Variants in ZNF202 observed in about 807,000 individuals in gnomAD.
ZNF202 encodes the protein zinc finger protein 202.
ZNF202 carries 22 observed loss-of-function variants against 54.5 expected under a neutral mutation model. That is an observed-to-expected ratio of 0.40 (90% confidence interval 0.29 to 0.58). The LOEUF is 0.58. ZNF202 is among the 20% of genes least tolerant of loss of function. ZNF202 has a pLI of 0.39. For synonymous variants in ZNF202, 294 were observed against 301.4 expected, an observed-to-expected ratio of 0.98 and a Z score of 0.26; for missense variants, 644 against 805.5, an observed-to-expected ratio of 0.80 and a Z score of 2.43.
chr11:123,729,698 T>A lies in ZNF202; in HGVS notation c.530A>T (p.Glu177Val). The change falls in exon 5 of 9, where the codon GAA becomes GTA. Residue 177 changes from glutamate (E) to valine (V), a missense_variant. By Grantham distance (121) the Glu-to-Val change is moderately radical. Around this residue, in one of 3 missense-constraint regions of ZNF202, gnomAD observed 536 missense variants for 635.3 expected, o/e 0.84. Coordinates refer to ENST00000530393, the MANE Select transcript of ZNF202 (RefSeq NM_003455.4). ...CCCCAGATCTGGGCTCTGTGTGGTT[T>A]CCTCAGGAGACTGCTCGGGGGTCGA... ...QSSTPEQSPE[E>V]TTQSPDLGAP... The A allele has an allele frequency of 6.2e-7, 1 of 1,613,576 alleles. No individual in the cohort carries two copies. The highest frequency in any genetic ancestry group is 8.5e-7 in the Non-Finnish European group (1 of 1,179,868).
Position 123,726,500 on chromosome 11 carries a change from T to TATAGGGTTTCTC in ZNF202, c.1432_1443dup (p.Glu478_Tyr481dup), listed in dbSNP as rs1243609392. On this transcript the variant is annotated inframe_insertion, in exon 9 of 9. Transcript: ENST00000530393. The surrounding 1 kb of genome is among the most constrained non-coding windows in gnomAD (Gnocchi z 6.0). ...AAGTGCTTTCCGCAATCATCACATC[T>TATAGGGTTTCTC]ATAGGGTTTCTCCACTGATGGAGTT... 20 of 1,614,236 alleles carry TATAGGGTTTCTC rather than the reference T, an allele frequency of 1.2e-5. No homozygotes were observed. The highest frequency in any genetic ancestry group is 1.7e-5 in the Non-Finnish European group (20 of 1,180,030).
Position 123,729,611 on chromosome 11 carries a change from C to T in ZNF202, c.613+4G>A. 2 of 1,559,572 alleles carry T rather than the reference C, an allele frequency of 1.3e-6. No individual in the cohort carries two copies. Among genetic ancestry groups the T allele is most frequent in the Non-Finnish European group, 8.7e-7 (1 of 1,155,588 alleles). On this transcript the variant is annotated splice_donor_region_variant and intron_variant, in intron 5 of 8. Transcript: ENST00000530393. ...AATCCCCCCTTTCTGCTGATGCTTC[C>T]CACCGCTCTCCTGCAGGGTCTGGAG...
intron 3 of ZNF202, among the ~76,000 whole-genome samples, chr11:123,737,919 G>C (rs553304080): frequency 6.6e-6 from 1 of 152,138 alleles, no homozygotes; most frequent in African/African-American, 2.4e-5. Flanking sequence ...AGAGGAACAA[G>C]GATATACAGC....
rs752752320 is a variant in ZNF202, at chr11:123,728,111, T to C, written c.832+22A>G. ...AAAGATCTCTGGGCTTAGAACACTC[T>C]AGAATACTTGAAATTCCTTACACAG... On this transcript the variant is annotated intron_variant, in intron 7 of 8. Transcript: ENST00000530393. 6.3e-5 allele frequency: 101 copies of C among 1,599,434 alleles called. No homozygotes were observed. The African/African-American group carries it at 1.1e-3, about 17-fold the overall frequency.
intron 6 of ZNF202, 90 bp from the exon 7 acceptor site, chr11:123,728,352 C>T: frequency 2.1e-6 from 3 of 1,415,704 alleles, no homozygotes; most frequent in Non-Finnish European, 2.8e-6. Flanking sequence ...AGGTGGACTC[C>T]TCTAGGAGAT....
intron 3 of ZNF202, chr11:123,738,735 C>T (rs1432267782): frequency 1.3e-5 from 2 of 152,220 alleles, no homozygotes; most frequent in Non-Finnish European, 2.9e-5. Context: ...AAGTCATTTA[C>T]TATGTTTTTA....
chr11:123,741,215 G>C (rs1291318517), intron 1 of ZNF202, among the ~76,000 whole-genome samples: 1 of 152,120 alleles, frequency 6.6e-6, no homozygotes, highest in Non-Finnish European at 1.5e-5. Flanking sequence ...CAGTTGGCGC[G>C]GAAGCGTTAG....
At chr11:123,740,753 C>A (rs1292088037) in intron 1 of ZNF202, among the ~76,000 whole-genome samples, 1 of 152,246 alleles carries the variant, frequency 6.6e-6, no homozygotes, top group Admixed American at 6.5e-5. Flanking sequence ...AAAAATTAGA[C>A]TGACACCTTT....
At chr11:123,727,629 T>G (rs1363558811) in intron 7 of ZNF202, 34 bp from the exon 8 acceptor site, 1 of 1,612,962 alleles carries the variant, frequency 6.2e-7, no homozygotes. Flanking sequence ...ATATCACGAT[T>G]GGCTCAACAA....
At chr11:123,738,946 AT>A (rs1441516360) in intron 3 of ZNF202, 1 of 152,240 alleles carries the variant, frequency 6.6e-6, no homozygotes, top group Non-Finnish European at 1.5e-5. Context: ...CTCAGAAGTC[AT>A]TCTTGTCGTG....
Position 123,726,823 on chromosome 11 carries a change from A to T in ZNF202, c.1121T>A (p.Ile374Asn). 1 of 1,614,232 alleles carries T rather than the reference A, an allele frequency of 6.2e-7. No homozygotes were observed. Among genetic ancestry groups the T allele is most frequent in the South Asian group, 1.1e-5 (1 of 91,080 alleles). The change falls in exon 9 of 9, where the codon ATT (isoleucine) becomes AAT (asparagine). Residue 374 changes from isoleucine (I) to asparagine (N), a missense_variant. Ile to Asn is a moderately radical substitution (Grantham distance 149, BLOSUM62 -3). Transcript: ENST00000530393. This position sits in a 1 kb window ranked among gnomAD's most constrained non-coding sequence, Gnocchi z 6.0. ...GTTCACAAAACTATTCACTTGAGAA[A>T]TATTAGTACCAAATCTTCTTTCATT... is the stretch of plus-strand genomic sequence containing the variant. ...RLNERRFGTN[I>N]SQVNSFVNLR...
At position 123,730,727 on chromosome 11, in the gene ZNF202, G is replaced by A. The variant is rs764595346; in HGVS notation, c.162C>T (p.Tyr54=). The change falls in exon 4 of 9, where the codon TAC becomes TAT. Residue 54 remains tyrosine (Y), a synonymous_variant. Transcript: ENST00000530393. This position sits in a 1 kb window ranked among gnomAD's most constrained non-coding sequence, Gnocchi z 6.0. ...TSHQNFRRFR[Y]QEAASPREAL... ...CTTCTCTAGGGCTTGCTGCCTCCTG[G>A]TAGCGGAAGCGTCGGAAGTTCTGGT... 30 of 1,614,244 alleles carry A rather than the reference G, an allele frequency of 1.9e-5. No individual in the cohort carries two copies. Among genetic ancestry groups the A allele is most frequent in the Non-Finnish European group, 2.2e-5 (26 of 1,180,044 alleles).
chr11:123,740,657 C>A (rs972109792), intron 1 of ZNF202, 121 bp from the exon 2 acceptor site: 4 of 152,252 alleles, frequency 2.6e-5, no homozygotes, highest in Admixed American at 2.6e-4. Context: ...CTAAGAGTCT[C>A]CCTCTGGGGA....
chr11:123,727,728 T>C (rs1235982947), intron 7 of ZNF202, 133 bp from the exon 8 acceptor site: 3 of 1,252,884 alleles, frequency 2.4e-6, no homozygotes, highest in Non-Finnish European at 3.3e-6. Context: ...TTCATCTCTT[T>C]AGTTTGTGTA....
At chr11:123,735,564 G>A (rs998170867) in intron 3 of ZNF202, among the ~76,000 whole-genome samples, 2 of 152,160 alleles carry the variant, frequency 1.3e-5, no homozygotes, top group Non-Finnish European at 2.9e-5. Flanking sequence ...AGGTACAGCA[G>A]TGCTGTGCAC....
chr11:123,726,090 CTCCCCAGT>C lies in ZNF202; in HGVS notation c.1846_1853del (p.Thr616GlufsTer20), dbSNP rs1323290837. ...CACAGGTAGGGCACGTGAATGGTTT[CTCCCCAGT>C]GTGTGTTCTCTGATGCCTGACGAGG... On this transcript the variant is annotated frameshift_variant, in exon 9 of 9. Transcript: ENST00000530393. LOFTEE classifies it high-confidence loss of function. This position sits in a 1 kb window ranked among gnomAD's most constrained non-coding sequence, Gnocchi z 6.0. 6.2e-7 allele frequency: 1 copy of C among 1,614,098 alleles called. No homozygotes were observed. Among genetic ancestry groups the C allele is most frequent in the African/African-American group, 1.3e-5 (1 of 74,940 alleles).
At position 123,724,029 on chromosome 11, in the gene ZNF202, A is replaced by C. The variant is rs1861016566; in HGVS notation, c.*1968T>G. ...TTTTACCAACCTTTATAAATGGTTAAGTCTGAGCTAGGAGAAACTATCTTT... is the reference window on the plus strand; with the variant it reads ...TTTTACCAACCTTTATAAATGGTTACGTCTGAGCTAGGAGAAACTATCTTT... On this transcript the variant is annotated 3_prime_UTR_variant, in exon 9 of 9. Coordinates refer to ENST00000530393, the MANE Select transcript of ZNF202 (RefSeq NM_003455.4). 6.6e-6 allele frequency: 1 copy of C among 152,246 alleles called. No individual in the cohort carries two copies. The highest frequency in any genetic ancestry group is 2.1e-4 in the South Asian group (1 of 4,828). 9.4% of individuals were successfully genotyped at this position (152,246 alleles called of 1,614,324 possible). A position where few individuals can be genotyped will look rare whatever the true frequency, so the allele number is the denominator to read the frequency against.
chr11:123,733,024 C>A (rs977739917), intron 3 of ZNF202, among the ~76,000 whole-genome samples: 1 of 152,142 alleles, frequency 6.6e-6, no homozygotes, highest in Non-Finnish European at 1.5e-5. Context: ...GTAACAGGCA[C>A]GGATACATTG....
intron 3 of ZNF202, among the ~76,000 whole-genome samples, chr11:123,733,321 C>T (rs1224935633): frequency 6.6e-6 from 1 of 152,164 alleles, no homozygotes; most frequent in Non-Finnish European, 1.5e-5. Context: ...CCCTCAGTCA[C>T]TTGCAACATA....
Sources: allele counts gnomAD v4.1 joint callset (sites outside exome capture counted in the v4.1 genomes callset), GRCh38; gene constraint gnomAD v4.1.1; regional missense constraint gnomAD v4.1.1; non-coding constraint Gnocchi (gnomAD v3.1); transcripts MANE v1.5; gene names NCBI Gene and HGNC (gene_info 2026-07-23, HGNC 2026-07-21).